Variants in GARRE1 observed in about 807,000 individuals in gnomAD.
The protein encoded by GARRE1 is granule associated Rac and RHOG effector protein 1.
A neutral mutation model predicts 103.2 loss-of-function variants in GARRE1; 49 were observed. The ratio of observed to expected loss-of-function variants is 0.47; its 90% CI spans 0.38 to 0.60. GARRE1 has a LOEUF of 0.60. Among genes scored for constraint, GARRE1 ranks in the 20% least tolerant of loss-of-function variants. The pLI is 0.00. For missense variants in GARRE1, 1,199 were observed against 1,370.5 expected (o/e 0.87, Z 1.98); for synonymous variants, 505 against 532.8 (o/e 0.95, Z 0.72).
chr19:34,290,502 C>T (rs560844823), intron 1 of GARRE1, among the ~76,000 whole-genome samples: 1 of 152,100 alleles, frequency 6.6e-6, no homozygotes, highest in East Asian at 1.9e-4. Context: ...CTTTTTTTCT[C>T]TCTCTCTCTC....
At chr19:34,295,134 T>C (rs1423778121) in intron 1 of GARRE1, among the ~76,000 whole-genome samples, 1 of 152,208 alleles carries the variant, frequency 6.6e-6, no homozygotes, top group African/African-American at 2.4e-5. Context: ...TTCCTGGGAA[T>C]GGTACTTTGA....
chr19:34,296,318 T>C, intron 1 of GARRE1: 1 of 842,580 alleles, frequency 1.2e-6, no homozygotes, highest in Non-Finnish European at 2.0e-6. Flanking sequence ...CTTTGGGAGC[T>C]TGAGCTGGAA....
intron 2 of GARRE1, among the ~76,000 whole-genome samples, chr19:34,316,291 TA>T (rs1418706929): frequency 6.6e-6 from 1 of 152,152 alleles, no homozygotes; most frequent in Non-Finnish European, 1.5e-5. Flanking sequence ...ATTTTAAACT[TA>T]AAAACCTGCC....
intron 2 of GARRE1, among the ~76,000 whole-genome samples, chr19:34,308,364 T>G (rs1052166207): frequency 6.6e-6 from 1 of 151,562 alleles, no homozygotes; most frequent in Non-Finnish European, 1.5e-5. Context: ...TGAAAGTTCA[T>G]ATTGCTGCTG....
chr19:34,262,687 T>C (rs1417043009), intron 1 of GARRE1, among the ~76,000 whole-genome samples: 1 of 152,136 alleles, frequency 6.6e-6, no homozygotes, highest in Non-Finnish European at 1.5e-5. Flanking sequence ...TGTTTCCTGA[T>C]GAAGTCCAAG....
chr19:34,293,136 G>A (rs1310150216), intron 1 of GARRE1, among the ~76,000 whole-genome samples: 3 of 152,194 alleles, frequency 2.0e-5, no homozygotes, highest in Non-Finnish European at 4.4e-5. Context: ...ACTAAACAGT[G>A]AAGAGATTTT....
chr19:34,347,492 G>T (rs971227364), intron 10 of GARRE1, among the ~76,000 whole-genome samples: 12 of 152,246 alleles, frequency 7.9e-5, no homozygotes, highest in African/African-American at 2.4e-4. Flanking sequence ...CTCCCAAAAT[G>T]CTAGGATTAC....
At chr19:34,276,799 A>T (rs1395994436) in intron 1 of GARRE1, among the ~76,000 whole-genome samples, 2 of 152,248 alleles carry the variant, frequency 1.3e-5, no homozygotes, top group African/African-American at 4.8e-5. Context: ...ACAATGGCTC[A>T]TTCATGTCAG....
intron 1 of GARRE1, among the ~76,000 whole-genome samples, chr19:34,282,652 T>C (rs1253387756): frequency 1.3e-5 from 2 of 152,192 alleles, no homozygotes; most frequent in East Asian, 1.9e-4. Context: ...GTTGTTCATA[T>C]AGGTAATTTG....
In GARRE1 at chr19:34,353,336, G is replaced by T; in HGVS notation, c.*381G>T. The T allele has an allele frequency of 4.1e-6, 1 of 242,556 alleles. No individual in the cohort carries two copies. The highest frequency in any genetic ancestry group is 8.0e-6 in the Non-Finnish European group (1 of 125,740). 15.0% of individuals were successfully genotyped at this position (242,556 alleles called of 1,614,324 possible). A position where few individuals can be genotyped will look rare whatever the true frequency, so the allele number is the denominator to read the frequency against. The stretch of plus-strand genomic sequence containing the variant: ...GGAAGACATCAGGCCTGAAAGCTGA[G>T]GGCATAACTGACCATTTTTTGGAAA... On this transcript the variant is annotated 3_prime_UTR_variant, in exon 14 of 14. Coordinates refer to ENST00000299505, the MANE Select transcript of GARRE1 (RefSeq NM_014686.5).
At chr19:34,258,870 G>A (rs2073693879) in intron 1 of GARRE1, among the ~76,000 whole-genome samples, 1 of 152,046 alleles carries the variant, frequency 6.6e-6, no homozygotes, top group African/African-American at 2.4e-5. Flanking sequence ...TTGGAGACCA[G>A]CCTGGGCAAC....
chr19:34,312,868 A>C (rs2074043394), intron 2 of GARRE1, among the ~76,000 whole-genome samples: 1 of 152,218 alleles, frequency 6.6e-6, no homozygotes, highest in African/African-American at 2.4e-5. Context: ...CTGAGGTTGC[A>C]GTGAGCCAAG....
chr19:34,346,724 C>T (rs1293810067), intron 10 of GARRE1, among the ~76,000 whole-genome samples: 1 of 152,172 alleles, frequency 6.6e-6, no homozygotes, highest in Admixed American at 6.5e-5. Flanking sequence ...TCAAGTGATT[C>T]TCCTGTCTCA....
intron 1 of GARRE1, among the ~76,000 whole-genome samples, chr19:34,290,355 CA>C (rs965622685): frequency 1.7e-4 from 24 of 144,962 alleles, no homozygotes; most frequent in South Asian, 4.4e-4. Flanking sequence ...GACCCTGTCT[CA>C]AAAAAAAAAG....
intron 1 of GARRE1, among the ~76,000 whole-genome samples, chr19:34,293,745 T>C (rs372027935): frequency 4.5e-3 from 132 of 29,500 alleles, no homozygotes; most frequent in South Asian, 0.018. Context: ...CACACACACA[T>C]ATTTCTTTTT....
rs1433925609 is a variant in GARRE1 at position 34,300,517 on chromosome 19, G to A, written c.44G>A (p.Arg15Gln). 5 of 1,612,316 alleles carry A rather than the reference G, an allele frequency of 3.1e-6. No homozygotes were observed. Among genetic ancestry groups the A allele is most frequent in the East Asian group, 2.2e-5 (1 of 44,856 alleles). The change falls in exon 2 of 14, where the codon CGG (arginine) becomes CAG (glutamine). Residue 15 changes from arginine to glutamine, a missense_variant. Coordinates refer to ENST00000299505, the MANE Select transcript of GARRE1 (RefSeq NM_014686.5). The part of the protein sequence containing the change: ...SAQDSKMDYK[R>Q]RFLLGGSKQK... ...CAGGACAGTAAAATGGACTACAAGC[G>A]GCGCTTCCTGCTTGGCGGGTCCAAG... is the stretch of plus-strand genomic sequence containing the variant.
chr19:34,349,234 G>A, intron 12 of GARRE1, 81 bp downstream of exon 12: 2 of 1,439,882 alleles, frequency 1.4e-6, no homozygotes, highest in South Asian at 1.2e-5. Context: ...GGAAAGCCAG[G>A]AGCCCAGTCA....
In GARRE1 at chr19:34,317,064, A is replaced by AG. The variant is rs2145257122; in HGVS notation, c.496-2841dup. On this transcript the variant is annotated intron_variant, in intron 2 of 13. Coordinates refer to ENST00000299505, the MANE Select transcript of GARRE1 (RefSeq NM_014686.5). Reference sequence around the variant, plus strand: ...GTTCTTGATCTGGGGGCCCTCCTTCAGGCCTTCAGCCATTCCTCAGAACTT... The same window carrying AG: ...GTTCTTGATCTGGGGGCCCTCCTTCAGGGCCTTCAGCCATTCCTCAGAACTT... Among the ~76,000 whole-genome samples the AG allele has an allele frequency of 3.9e-5, 6 of 152,342 alleles. No homozygotes were observed. The South Asian group carries it at 1.2e-3, about 32-fold the overall frequency.
Position 34,337,193 on chromosome 19 carries a change from A to G in GARRE1, c.1362-2674A>G, listed in dbSNP as rs2074165092. ...TTGTTTCACCAAATATTTACTGAAC[A>G]CTTACTGTGTACCAGACACTGTTCT... On this transcript the variant is annotated intron_variant, in intron 8 of 13. Transcript: ENST00000299505. Among the ~76,000 whole-genome samples the G allele has an allele frequency of 2.0e-5, 3 of 152,026 alleles. No individual in the cohort carries two copies. In the South Asian group the frequency reaches 6.2e-4, roughly 32 times the overall value.
Sources: allele counts gnomAD v4.1 joint callset (sites outside exome capture counted in the v4.1 genomes callset), GRCh38; gene constraint gnomAD v4.1.1; transcripts MANE v1.5; gene names NCBI Gene and HGNC (gene_info 2026-07-23, HGNC 2026-07-21).